KCNB2: variants seen among roughly 807,000 people sequenced by gnomAD.
KCNB2 encodes the protein delayed rectifier potassium channel protein.
In KCNB2, 15 loss-of-function variants were observed where a neutral mutation model predicts 61.5. The observed-to-expected ratio is 0.24, with a 90% confidence interval of 0.16 to 0.38. The LOEUF is 0.38. Among genes scored for constraint, KCNB2 ranks in the 10% least tolerant of loss-of-function variants. The pLI, the probability that KCNB2 is intolerant of heterozygous loss-of-function variation, is 1.00. For synonymous variants in KCNB2, 457 were observed against 446.0 expected (o/e 1.02, Z -0.31); for missense variants, 828 against 1,125.2 (o/e 0.74, Z 3.78).
At chr8:72,792,564 T>G (rs1808962935) in intron 2 of KCNB2, among the ~76,000 whole-genome samples, 1 of 152,218 alleles carries the variant, frequency 6.6e-6, no homozygotes, top group Non-Finnish European at 1.5e-5. Flanking sequence ...TGCATGGTAC[T>G]TGGGCAGCCT....
rs1806979694 is a variant in KCNB2, at chr8:72,693,971, A to G, written c.579+125658A>G. 2.6e-5 allele frequency among the ~76,000 whole-genome samples: 4 copies of G among 152,222 alleles called. No individual in the cohort carries two copies. The South Asian group carries it at 8.3e-4, about 32-fold the overall frequency. On this transcript the variant is annotated intron_variant, in intron 2 of 2. Coordinates refer to ENST00000523207, the MANE Select transcript of KCNB2 (RefSeq NM_004770.3). ...TTATATCAAATCGAACACGATTCCA[A>G]ATATAATATAGAATGTTTATCTTAA...
At chr8:72,771,497 T>C (rs1808560482) in intron 2 of KCNB2, among the ~76,000 whole-genome samples, 1 of 152,190 alleles carries the variant, frequency 6.6e-6, no homozygotes, top group South Asian at 2.1e-4. Context: ...CTGATAAATA[T>C]TAATTACGGT....
At chr8:72,738,978 A>G (rs193000975) in intron 2 of KCNB2, among the ~76,000 whole-genome samples, 2 of 152,300 alleles carry the variant, frequency 1.3e-5, no homozygotes, top group Admixed American at 6.5e-5. Context: ...TATTCCAACT[A>G]TACCATTTAT....
At chr8:72,889,670 C>G (rs540950825) in intron 2 of KCNB2, among the ~76,000 whole-genome samples, 2 of 152,204 alleles carry the variant, frequency 1.3e-5, no homozygotes, top group Admixed American at 6.5e-5. Context: ...CCGGGCAAGA[C>G]AGAGACCCTG....
chr8:72,841,372 CTTTTTTT>C (rs769263287), intron 2 of KCNB2, among the ~76,000 whole-genome samples: 3 of 34,228 alleles, frequency 8.8e-5, no homozygotes, highest in Admixed American at 8.4e-4. Flanking sequence ...TTTTTTTTTT[CTTTTTTT>C]TTTTTTTTTT....
intron 2 of KCNB2, among the ~76,000 whole-genome samples, chr8:72,736,383 C>T (rs1202410771): frequency 6.6e-6 from 1 of 152,060 alleles, no homozygotes; most frequent in Non-Finnish European, 1.5e-5. Context: ...GAGGACTTGT[C>T]TCCTACCTTG....
chr8:72,783,540 C>G (rs1808798809), intron 2 of KCNB2, among the ~76,000 whole-genome samples: 1 of 152,106 alleles, frequency 6.6e-6, no homozygotes, highest in South Asian at 2.1e-4. Flanking sequence ...AATTCAATGT[C>G]ACCTTGTCAA....
intron 2 of KCNB2, among the ~76,000 whole-genome samples, chr8:72,713,906 C>A (rs1236758747): frequency 6.6e-6 from 1 of 152,000 alleles, no homozygotes; most frequent in Admixed American, 6.5e-5. Flanking sequence ...AAGTTAAAAA[C>A]TTTGAAAAAA....
intron 2 of KCNB2, among the ~76,000 whole-genome samples, chr8:72,897,934 G>A (rs994472190): frequency 6.6e-6 from 1 of 152,116 alleles, no homozygotes; most frequent in African/African-American, 2.4e-5. Context: ...CCCTCTTGGA[G>A]GGACAGAGGT....
chr8:72,888,563 T>C (rs1805844084), intron 2 of KCNB2, among the ~76,000 whole-genome samples: 1 of 152,258 alleles, frequency 6.6e-6, no homozygotes, highest in Non-Finnish European at 1.5e-5. Context: ...AGGCTGACTA[T>C]TGTTTTTGAC....
chr8:72,725,416 A>G (rs1380180638), intron 2 of KCNB2, among the ~76,000 whole-genome samples: 2 of 151,080 alleles, frequency 1.3e-5, no homozygotes, highest in African/African-American at 4.9e-5. Context: ...AACTGAACTA[A>G]CACTTAGGGA....
intron 2 of KCNB2, among the ~76,000 whole-genome samples, chr8:72,836,155 G>A (rs554029737): frequency 1.3e-5 from 2 of 152,282 alleles, no homozygotes; most frequent in South Asian, 4.1e-4. Context: ...CCTATCACAG[G>A]ATTAACAGAA....
chr8:72,859,281 G>A (rs2129003904), intron 2 of KCNB2, among the ~76,000 whole-genome samples: 1 of 152,270 alleles, frequency 6.6e-6, no homozygotes, highest in East Asian at 1.9e-4. Context: ...GTGGGGAAGT[G>A]TAGTATGGAA....
chr8:72,668,262 G>T lies in KCNB2; in HGVS notation c.579+99949G>T, dbSNP rs150137211. Among the ~76,000 whole-genome samples the T allele has an allele frequency of 5.1e-4, 77 of 152,272 alleles. 1 individual carries two copies. In the East Asian group the frequency reaches 0.014, roughly 28 times the overall value. ...TTTTTATTGGGGATCAGCCACACAG[G>T]CATGAAGCACCCATGTAGCTGACCT... On this transcript the variant is annotated intron_variant, in intron 2 of 2. Transcript: ENST00000523207.
intron 2 of KCNB2, among the ~76,000 whole-genome samples, chr8:72,786,565 T>C (rs1033937270): frequency 6.6e-6 from 1 of 152,172 alleles, no homozygotes; most frequent in Admixed American, 6.6e-5. Context: ...TACAACTAGG[T>C]AAATTCAGCT....
chr8:72,732,583 A>G (rs186645318), intron 2 of KCNB2, among the ~76,000 whole-genome samples: 1 of 152,240 alleles, frequency 6.6e-6, no homozygotes, highest in East Asian at 1.9e-4. Flanking sequence ...TGATGAGCTA[A>G]GAAAGTACTT....
At chr8:72,556,214 T>A (rs146484780) in intron 1 of KCNB2, among the ~76,000 whole-genome samples, 3 of 152,302 alleles carry the variant, frequency 2.0e-5, no homozygotes, top group African/African-American at 7.2e-5. Flanking sequence ...TGATATTTTC[T>A]TATCAAATTT....
At chr8:72,613,339 T>A (rs1425803221) in intron 2 of KCNB2, among the ~76,000 whole-genome samples, 1 of 152,208 alleles carries the variant, frequency 6.6e-6, no homozygotes, top group East Asian at 1.9e-4. Flanking sequence ...AACCTGCCAC[T>A]ATGTCTATGA....
In KCNB2 at chr8:72,745,299, G is replaced by A. The variant is rs187183518; in HGVS notation, c.579+176986G>A. 8.2e-4 allele frequency among the ~76,000 whole-genome samples: 125 copies of A among 152,210 alleles called. 1 individual carries two copies. Among genetic ancestry groups the A allele is most frequent in the African/African-American group, 3.0e-3 (125 of 41,540 alleles). On this transcript the variant is annotated intron_variant, in intron 2 of 2. Transcript: ENST00000523207. ...ATGAACATGCATATTTTTATGGCAT[G>A]CATGCTCCTAGTTACCCAGGGGTTA...
Sources: allele counts gnomAD v4.1 joint callset (sites outside exome capture counted in the v4.1 genomes callset), GRCh38; gene constraint gnomAD v4.1.1; transcripts MANE v1.5; gene names NCBI Gene and HGNC (gene_info 2026-07-23, HGNC 2026-07-21).